Variants in TBC1D8 observed in about 807,000 individuals in gnomAD.
The protein encoded by TBC1D8 is TBC1 domain family member 8.
In TBC1D8, 65 loss-of-function variants were observed where a neutral mutation model predicts 118.8. The ratio of observed to expected loss-of-function variants is 0.55; its 90% CI spans 0.45 to 0.67. TBC1D8 has a LOEUF of 0.67. Ranked by LOEUF, TBC1D8 falls within the 30% of genes least tolerant of loss-of-function variation. The probability of loss-of-function intolerance (pLI) is 0.00; values close to 1 mark genes in which losing one functional copy is unlikely to be tolerated. For missense variants in TBC1D8, 1,376 were observed against 1,471.2 expected (o/e 0.94, Z 1.06); for synonymous variants, 566 against 595.8 (o/e 0.95, Z 0.73).
chr2:101,028,296 C>A lies in TBC1D8; in HGVS notation c.2352+7G>T, dbSNP rs199519905. The A allele has an allele frequency of 6.7e-5, 108 of 1,609,694 alleles. No homozygotes were observed. The African/African-American group carries it at 1.2e-3, about 18-fold the overall frequency. The stretch of plus-strand genomic sequence containing the variant: ...GCAACGGGGCATGGGGCGGGGGTTC[C>A]CGTTACCTCATAGGAATCCCGGATC... On this transcript the variant is annotated splice_region_variant and intron_variant, in intron 13 of 19. Transcript: ENST00000409318.
At chr2:101,099,446 T>C (rs1002679335) in intron 1 of TBC1D8, among the ~76,000 whole-genome samples, 1 of 152,136 alleles carries the variant, frequency 6.6e-6, no homozygotes, top group Non-Finnish European at 1.5e-5. Flanking sequence ...GAGGAGCTTG[T>C]ACCATTCCTT....
chr2:101,068,463 C>A, intron 2 of TBC1D8: 2 of 367,858 alleles, frequency 5.4e-6, no homozygotes, highest in South Asian at 5.8e-5. Context: ...AAAGTGAAGT[C>A]AATGTTCCAG....
chr2:101,035,547 C>T (rs775730278), intron 9 of TBC1D8, among the ~76,000 whole-genome samples: 9 of 152,274 alleles, frequency 5.9e-5, no homozygotes, highest in Non-Finnish European at 1.2e-4. Context: ...AAGAAATCTG[C>T]ACTTTTGCCT....
intron 2 of TBC1D8, among the ~76,000 whole-genome samples, chr2:101,083,487 C>T (rs1675396988): frequency 6.6e-6 from 1 of 152,164 alleles, no homozygotes; most frequent in African/African-American, 2.4e-5. Context: ...CTTTATAAAG[C>T]CTTGGGATTC....
At chr2:101,048,859 T>A (rs1164669393) in intron 5 of TBC1D8, among the ~76,000 whole-genome samples, 1 of 152,140 alleles carries the variant, frequency 6.6e-6, no homozygotes, top group Admixed American at 6.5e-5. Context: ...CATTTGAATA[T>A]CAGTATTTGT....
chr2:101,080,129 G>GT (rs1385605026), intron 2 of TBC1D8, among the ~76,000 whole-genome samples: 3 of 152,110 alleles, frequency 2.0e-5, no homozygotes, highest in Non-Finnish European at 4.4e-5. Context: ...TTGGATGAGT[G>GT]TAATTATTTG....
intron 10 of TBC1D8, chr2:101,033,314 C>G (rs1680785061): frequency 3.3e-6 from 2 of 604,994 alleles, no homozygotes; most frequent in South Asian, 1.7e-5. Context: ...GGGGTTTCAC[C>G]ATGTTGGCCA....
intron 9 of TBC1D8, among the ~76,000 whole-genome samples, chr2:101,035,213 G>A (rs1011336169): frequency 6.6e-6 from 1 of 152,098 alleles, no homozygotes; most frequent in African/African-American, 2.4e-5. Context: ...TCTGGGGAAG[G>A]GACCCTCTCA....
intron 3 of TBC1D8, among the ~76,000 whole-genome samples, chr2:101,057,547 T>C (rs981069220): frequency 6.6e-6 from 1 of 152,244 alleles, no homozygotes; most frequent in Admixed American, 6.5e-5. Context: ...TCTGTTTGGC[T>C]GGGCGTGGTG....
At chr2:101,139,145 C>A (rs1281302973) in intron 1 of TBC1D8, among the ~76,000 whole-genome samples, 1 of 152,062 alleles carries the variant, frequency 6.6e-6, no homozygotes, top group Non-Finnish European at 1.5e-5. Flanking sequence ...TCCTCCGGAA[C>A]TGGCTCCTGA....
chr2:101,032,656 G>C (rs921157959), intron 10 of TBC1D8: 2 of 378,584 alleles, frequency 5.3e-6, no homozygotes. Context: ...CTTAAGGTTG[G>C]TTTAAATCCA....
At chr2:101,017,783 A>G (rs2105371084) in intron 17 of TBC1D8, 1 of 1,506,952 alleles carries the variant, frequency 6.6e-7, no homozygotes, top group Non-Finnish European at 9.0e-7. Context: ...CAAAATCTTG[A>G]CAAGCTCAGG....
rs368448239 is a variant in TBC1D8, at chr2:101,038,608, G to A, written c.1128C>T (p.Pro376=). 6.2e-7 allele frequency: 1 copy of A among 1,613,868 alleles called. No individual in the cohort carries two copies. The highest frequency in any genetic ancestry group is 8.5e-7 in the Non-Finnish European group (1 of 1,179,928). Residue 376 remains proline, a synonymous_variant, in exon 7 of 20, where the codon CCC becomes CCT. Transcript: ENST00000409318. ...CCTTGCTTCTGATACTGACAATGAT[G>A]GGATGCGGCAGCAGGCTCGTGTCCT... ...KMEDTSLLPH[P]IIVSIRSKVA...
intron 2 of TBC1D8, among the ~76,000 whole-genome samples, chr2:101,069,265 C>A (rs1300074679): frequency 6.6e-6 from 1 of 151,410 alleles, no homozygotes; most frequent in Non-Finnish European, 1.5e-5. Context: ...TGCACTCCAG[C>A]CTAGGCAACA....
intron 3 of TBC1D8, among the ~76,000 whole-genome samples, chr2:101,055,366 A>G (rs1318239740): frequency 6.6e-6 from 1 of 151,748 alleles, no homozygotes; most frequent in East Asian, 2.0e-4. Flanking sequence ...TCCAACCTGG[A>G]TGACAGAGTC....
rs1265201135 is a variant in TBC1D8, at chr2:101,059,424, T to C, written c.399A>G (p.Val133=). Residue 133 remains valine, a synonymous_variant, in exon 3 of 20, where the codon GTA becomes GTG. Coordinates refer to ENST00000409318, the MANE Select transcript of TBC1D8 (RefSeq NM_001330348.2). ...DDIASFVKGK[V]KALIAEETSS... is the part of the protein sequence containing the mutation. Reference sequence around the variant, plus strand: ...ACATGAAACTCAGGGGACCTACCTTTACCTTCCCTTTGACAAAACTGGCAA... The same window carrying C: ...ACATGAAACTCAGGGGACCTACCTTCACCTTCCCTTTGACAAAACTGGCAA... 6.2e-7 allele frequency: 1 copy of C among 1,612,242 alleles called. No individual in the cohort carries two copies. Among genetic ancestry groups the C allele is most frequent in the African/African-American group, 1.3e-5 (1 of 74,874 alleles).
intron 2 of TBC1D8, among the ~76,000 whole-genome samples, chr2:101,088,789 C>T (rs1185602095): frequency 6.6e-6 from 1 of 152,090 alleles, no homozygotes; most frequent in Non-Finnish European, 1.5e-5. Context: ...CCAGGCTGGC[C>T]TTGAACTCCT....
At chr2:101,032,117 A>C in intron 11 of TBC1D8, 151 bp downstream of exon 11, 1 of 673,868 alleles carries the variant, frequency 1.5e-6, no homozygotes, top group Non-Finnish European at 2.6e-6. Flanking sequence ...GTCCCGAGTT[A>C]GTTTTGCAAA....
intron 3 of TBC1D8, 99 bp from the exon 4 acceptor site, chr2:101,054,435 C>T: frequency 8.1e-7 from 1 of 1,227,908 alleles, no homozygotes; most frequent in Non-Finnish European, 1.1e-6. Flanking sequence ...TGCACAGGCC[C>T]CCGAGAAGTG....
Sources: gnomAD v4.1 joint callset for allele counts (sites outside exome capture counted in the v4.1 genomes callset) on GRCh38, gnomAD v4.1.1 for gene constraint, MANE v1.5 for transcripts, NCBI Gene and HGNC (gene_info 2026-07-23, HGNC 2026-07-21) for gene names.